PC: variants seen among roughly 807,000 people sequenced by gnomAD.
PC encodes pyruvate carboxylase, mitochondrial.
Under a neutral mutation model 107.8 loss-of-function variants are expected in PC, and 46 were observed. The observed-to-expected ratio is 0.43, with a 90% CI of 0.34 to 0.55. The LOEUF (loss-of-function observed/expected upper bound fraction) is 0.55, where lower values mean the gene tolerates loss of function less well. Among genes scored for constraint, PC ranks in the 20% least tolerant of loss-of-function variants. The pLI, the probability that PC is intolerant of heterozygous loss-of-function variation, is 0.04. For missense variants in PC, 1,241 were observed against 1,643.1 expected (o/e 0.76, Z 4.23); for synonymous variants, 662 against 684.7 (o/e 0.97, Z 0.52).
At chr11:66,940,631 T>C (rs148294784) in intron 3 of PC, among the ~76,000 whole-genome samples, 2,711 of 151,762 alleles carry the variant, frequency 0.018, 70 homozygotes, top group African/African-American at 0.06. Flanking sequence ...GAGGCTGCAG[T>C]GAGCCAAGAC....
intron 3 of PC, among the ~76,000 whole-genome samples, chr11:66,883,966 C>T (rs1320631211): frequency 4.6e-5 from 7 of 152,056 alleles, no homozygotes; most frequent in Admixed American, 3.3e-4. Context: ...CTGGGTGTGG[C>T]CTGGCACGTG....
intron 3 of PC, among the ~76,000 whole-genome samples, chr11:66,906,600 T>C (rs1374074365): frequency 6.6e-6 from 1 of 152,138 alleles, no homozygotes; most frequent in African/African-American, 2.4e-5. Flanking sequence ...CATACACAGA[T>C]GTCCACGTCA....
chr11:66,911,823 G>C (rs910678137), intron 3 of PC, among the ~76,000 whole-genome samples: 1 of 152,078 alleles, frequency 6.6e-6, no homozygotes, highest in Non-Finnish European at 1.5e-5. Flanking sequence ...ATAAGGTCAG[G>C]AGTTCGAGAC....
At chr11:66,914,193 C>G (rs1948412300) in intron 3 of PC, among the ~76,000 whole-genome samples, 1 of 152,104 alleles carries the variant, frequency 6.6e-6, no homozygotes, top group African/African-American at 2.4e-5. Context: ...TCCATAAGGT[C>G]AACAGGTAAG....
intron 3 of PC, among the ~76,000 whole-genome samples, chr11:66,924,595 T>C (rs1948671323): frequency 6.6e-6 from 1 of 152,036 alleles, no homozygotes; most frequent in Non-Finnish European, 1.5e-5. Flanking sequence ...AGACTACAGG[T>C]GCGCACCACA....
intron 3 of PC, among the ~76,000 whole-genome samples, chr11:66,922,488 C>T (rs778831280): frequency 5.5e-5 from 8 of 146,690 alleles, no homozygotes; most frequent in Admixed American, 1.4e-4. Context: ...GCAGGAGAAT[C>T]GCTTGAACCC....
In PC at chr11:66,851,114, T is replaced by G. The variant is rs755291902; in HGVS notation, c.2149A>C (p.Lys717Gln). The G allele has an allele frequency of 6.2e-7, 1 of 1,613,244 alleles. No homozygotes were observed. The highest frequency in any genetic ancestry group is 8.5e-7 in the Non-Finnish European group (1 of 1,179,998). Residue 717 changes from lysine (K) to glutamine (Q), a missense_variant, in exon 17 of 23, where the codon AAG (lysine) becomes CAG (glutamine). Physicochemically the swap from Lys to Gln is moderately conservative, Grantham distance 53. Around this residue, in one of 2 missense-constraint regions of PC, gnomAD observed 1,143 missense variants for 1,551.9 expected, o/e 0.74. Coordinates refer to ENST00000393960, the MANE Select transcript of PC (RefSeq NM_001040716.2). ...TGDVADPSRTKYSLQYYMGLA... is the reference protein window; with the variant it reads ...TGDVADPSRTQYSLQYYMGLA... ...CCCATGTAGTACTGCAGTGAGTACT[T>G]GGTGCGGCTGGGGTCGGCCACGTCG...
chr11:66,857,870 G>A lies in PC; in HGVS notation c.1369-4487C>T. 6.2e-7 allele frequency: 1 copy of A among 1,610,324 alleles called. No individual in the cohort carries two copies. Among genetic ancestry groups the A allele is most frequent in the East Asian group, 2.2e-5 (1 of 44,850 alleles). On this transcript the variant is annotated intron_variant, in intron 12 of 22. Coordinates refer to ENST00000393960, the MANE Select transcript of PC (RefSeq NM_001040716.2). This position sits in a 1 kb window ranked among gnomAD's most constrained non-coding sequence, Gnocchi z 7.1. ...GTGCCCACCGAGGCCTGCTGTTTGT[G>A]CCGCCCAACGTGGACCGGCGCACAG...
At position 66,871,304 on chromosome 11, in the gene PC, G is replaced by A. The variant is rs1187720199; in HGVS notation, c.487+11C>T. 4 of 1,614,016 alleles carry A rather than the reference G, an allele frequency of 2.5e-6. No homozygotes were observed. The highest frequency in any genetic ancestry group is 1.7e-5 in the Admixed American group (1 of 60,026). On this transcript the variant is annotated intron_variant, in intron 6 of 22. Transcript: ENST00000393960. The surrounding 1 kb of genome is among the most constrained non-coding windows in gnomAD (Gnocchi z 7.4). ...CTGCGGGGCCACCCCTTGCTTGCCC[G>A]TTATATTCACCCGCAGCAATGGCGA...
chr11:66,876,052 A>C (rs1305402514), intron 3 of PC, among the ~76,000 whole-genome samples: 1 of 152,220 alleles, frequency 6.6e-6, no homozygotes. Context: ...AGACGCAAGA[A>C]CGGTTTCAGA....
chr11:66,873,424 T>TTA (rs1204430997), intron 3 of PC, among the ~76,000 whole-genome samples: 7 of 84,178 alleles, frequency 8.3e-5, no homozygotes, highest in Non-Finnish European at 1.0e-4. Flanking sequence ...ATATAATATA[T>TTA]TATATATATT....
rs1303508590 is a variant in PC at position 66,858,483 on chromosome 11, C to T, written c.1369-5100G>A. ...CAACTGTGAGCTGCTGTGGCTGCGG[C>T]GGCTGGCGCGGCCGGACGACCTGGA... On this transcript the variant is annotated intron_variant, in intron 12 of 22. Coordinates refer to ENST00000393960, the MANE Select transcript of PC (RefSeq NM_001040716.2). The surrounding 1 kb of genome is among the most constrained non-coding windows in gnomAD (Gnocchi z 5.9). 7 of 1,540,458 alleles carry T rather than the reference C, an allele frequency of 4.5e-6. No individual in the cohort carries two copies. The highest frequency in any genetic ancestry group is 2.0e-5 in the Admixed American group (1 of 51,234).
intron 10 of PC, among the ~76,000 whole-genome samples, chr11:66,867,858 C>T (rs1946560996): frequency 6.6e-6 from 1 of 152,230 alleles, no homozygotes; most frequent in Non-Finnish European, 1.5e-5. Flanking sequence ...GCCTCCATGC[C>T]CCCGGCGAGC....
Position 66,858,948 on chromosome 11 carries a change from A to T in PC, c.1368+4826T>A. 1 of 1,577,558 alleles carries T rather than the reference A, an allele frequency of 6.3e-7. No individual in the cohort carries two copies. Among genetic ancestry groups the T allele is most frequent in the East Asian group, 2.3e-5 (1 of 44,050 alleles). On this transcript the variant is annotated intron_variant, in intron 12 of 22. Transcript: ENST00000393960. The surrounding 1 kb of genome is among the most constrained non-coding windows in gnomAD (Gnocchi z 5.9). ...TCGCACTGCTGCCGAGGGTGAGGGGACGCTGGAGTCTGAGCCAGCCGTGCA... is the reference window on the plus strand; with the variant it reads ...TCGCACTGCTGCCGAGGGTGAGGGGTCGCTGGAGTCTGAGCCAGCCGTGCA...
intron 3 of PC, among the ~76,000 whole-genome samples, chr11:66,873,419 ATATAT>A (rs1373408147): frequency 8.4e-5 from 7 of 83,442 alleles, no homozygotes; most frequent in Non-Finnish European, 1.0e-4. Context: ...AATATATATA[ATATAT>A]TATATATATT....
chr11:66,903,773 A>ATATAT (rs1383896793), intron 3 of PC, among the ~76,000 whole-genome samples: 1 of 62,530 alleles, frequency 1.6e-5, no homozygotes, highest in Non-Finnish European at 2.9e-5. Flanking sequence ...AAAAAAAAAA[A>ATATAT]ATATATATAT....
intron 16 of PC, 128 bp from the exon 17 acceptor site, chr11:66,851,408 G>A: frequency 7.2e-7 from 1 of 1,394,558 alleles, no homozygotes; most frequent in Non-Finnish European, 9.8e-7. Flanking sequence ...CTGGCAGGGG[G>A]TGTGGCATCC....
In PC at chr11:66,852,970, T is replaced by G. The variant is rs1383277654; in HGVS notation, c.1514-134A>C. ...CCGGGCTTCCAGCTGGCCCCTGTCCTCTCCAAAGCCAGGGCCTCCTGGGTA... is the reference window on the plus strand; with the variant it reads ...CCGGGCTTCCAGCTGGCCCCTGTCCGCTCCAAAGCCAGGGCCTCCTGGGTA... On this transcript the variant is annotated intron_variant, in intron 13 of 22. Coordinates refer to ENST00000393960, the MANE Select transcript of PC (RefSeq NM_001040716.2). This position sits in a 1 kb window ranked among gnomAD's most constrained non-coding sequence, Gnocchi z 4.7. 1.3e-6 allele frequency: 1 copy of G among 771,850 alleles called. No individual in the cohort carries two copies. Among genetic ancestry groups the G allele is most frequent in the Non-Finnish European group, 2.0e-6 (1 of 488,902 alleles). The allele number at this position is 771,850 out of a possible 1,614,324, so 47.8% of individuals were successfully genotyped here.
chr11:66,889,886 A>AT (rs1412249880), intron 3 of PC, among the ~76,000 whole-genome samples: 4 of 148,874 alleles, frequency 2.7e-5, no homozygotes, highest in Non-Finnish European at 4.5e-5. Context: ...ATATGTTCTA[A>AT]TTTTTTTCAT....
Sources: allele counts gnomAD v4.1 joint callset (sites outside exome capture counted in the v4.1 genomes callset), GRCh38; gene constraint gnomAD v4.1.1; regional missense constraint gnomAD v4.1.1; non-coding constraint Gnocchi (gnomAD v3.1); transcripts MANE v1.5; gene names NCBI Gene and HGNC (gene_info 2026-07-23, HGNC 2026-07-21).